Variants in INO80D observed in about 807,000 individuals in gnomAD.
INO80D encodes INO80 complex subunit D.
A neutral mutation model predicts 87.6 loss-of-function variants in INO80D; 21 were observed. The ratio of observed to expected loss-of-function variants is 0.24; its 90% CI spans 0.17 to 0.35. The LOEUF is 0.35. Ranked by LOEUF, INO80D falls within the 10% of genes least tolerant of loss-of-function variation. The probability of loss-of-function intolerance (pLI) is 1.00; values close to 1 mark genes in which losing one functional copy is unlikely to be tolerated. For missense variants in INO80D, 982 were observed against 1,280.7 expected, an observed-to-expected ratio of 0.77 and a Z score of 3.56; for synonymous variants, 440 against 491.0, an observed-to-expected ratio of 0.90 and a Z score of 1.37.
At chr2:206,034,150 G>A (rs1688836676) in intron 5 of INO80D, among the ~76,000 whole-genome samples, 1 of 152,078 alleles carries the variant, frequency 6.6e-6, no homozygotes, top group African/African-American at 2.4e-5. Flanking sequence ...CTTATTCACA[G>A]CAGAATTCTA....
intron 4 of INO80D, among the ~76,000 whole-genome samples, chr2:206,050,314 A>C (rs1354303857): frequency 3.3e-5 from 5 of 151,192 alleles, no homozygotes; most frequent in African/African-American, 1.2e-4. Flanking sequence ...AATATACTGA[A>C]ACCCCGTCTC....
At chr2:206,069,632 G>A (rs1364775327) in intron 1 of INO80D, among the ~76,000 whole-genome samples, 1 of 152,116 alleles carries the variant, frequency 6.6e-6, no homozygotes, top group East Asian at 1.9e-4. Flanking sequence ...AGGGTCAACT[G>A]TAGTCTGTTT....
chr2:205,997,597 C>T lies in INO80D; in HGVS notation c.*6771G>A, dbSNP rs1687831202. ...GTCCCATCACCACAATAGATAAACACAGCTCATGTCTGGGGCTGTCTGTCT... is the reference window on the plus strand; with the variant it reads ...GTCCCATCACCACAATAGATAAACATAGCTCATGTCTGGGGCTGTCTGTCT... On this transcript the variant is annotated 3_prime_UTR_variant, in exon 11 of 11. Transcript: ENST00000403263. The T allele has an allele frequency of 6.6e-6, 1 of 152,136 alleles. No homozygotes were observed. Among genetic ancestry groups the T allele is most frequent in the South Asian group, 2.1e-4 (1 of 4,828 alleles). 9.4% of individuals were successfully genotyped at this position (152,136 alleles called of 1,614,324 possible). A position where few individuals can be genotyped will look rare whatever the true frequency, so the allele number is the denominator to read the frequency against.
chr2:206,061,797 T>C (rs1246263971), intron 3 of INO80D, among the ~76,000 whole-genome samples: 1 of 152,222 alleles, frequency 6.6e-6, no homozygotes, highest in Non-Finnish European at 1.5e-5. Flanking sequence ...TTCCAACCAA[T>C]TTATGCAAGT....
At chr2:206,016,373 C>T (rs1093549) in intron 8 of INO80D, among the ~76,000 whole-genome samples, 50,574 of 151,984 alleles carry the variant, frequency 0.33, 8,985 homozygotes, top group South Asian at 0.58. Flanking sequence ...GCTGTATTTA[C>T]CCAATGGCTG....
chr2:206,050,429 T>C (rs535590095), intron 4 of INO80D, among the ~76,000 whole-genome samples: 4 of 141,166 alleles, frequency 2.8e-5, no homozygotes, highest in African/African-American at 8.0e-5. Flanking sequence ...GAGGCGGAGG[T>C]TGCAGTGAGC....
At chr2:206,040,436 G>T in intron 5 of INO80D, 1 of 199,914 alleles carries the variant, frequency 5.0e-6, no homozygotes. Flanking sequence ...GTCAAAATGG[G>T]CAAGTGCATG....
chr2:206,005,361 A>G lies in INO80D; in HGVS notation c.2091T>C (p.Thr697=), dbSNP rs978168300. ...DRGIGVFSTG[T]GASGIQSLSR... The stretch of plus-strand genomic sequence containing the variant: ...TCAAGGATTGTATTCCTGAAGCTCC[A>G]GTACCTGTGGAGAACACCCCTATTC... Residue 697 remains threonine, a synonymous_variant, in exon 11 of 11, where the codon ACT becomes ACC. Coordinates refer to ENST00000403263, the MANE Select transcript of INO80D (RefSeq NM_017759.5). 2 of 1,613,920 alleles carry G rather than the reference A, an allele frequency of 1.2e-6. No individual in the cohort carries two copies. Among genetic ancestry groups the G allele is most frequent in the African/African-American group, 2.7e-5 (2 of 74,916 alleles).
intron 5 of INO80D, among the ~76,000 whole-genome samples, chr2:206,042,986 A>C (rs144014943): frequency 3.3e-5 from 5 of 152,282 alleles, no homozygotes; most frequent in Non-Finnish European, 5.9e-5. Context: ...CAAACAAACA[A>C]ACAAATTCCT....
At chr2:206,037,362 C>T (rs145634568) in intron 5 of INO80D, among the ~76,000 whole-genome samples, 1 of 152,106 alleles carries the variant, frequency 6.6e-6, no homozygotes, top group East Asian at 1.9e-4. Context: ...TTTATTAAGA[C>T]AACCAAACAG....
chr2:206,009,445 A>T (rs535029044), intron 9 of INO80D, 132 bp downstream of exon 9: 27 of 721,228 alleles, frequency 3.7e-5, no homozygotes, highest in South Asian at 1.3e-4. Flanking sequence ...AAAACTATTT[A>T]AAAAATCTAG....
intron 3 of INO80D, among the ~76,000 whole-genome samples, chr2:206,059,962 G>A (rs1689642274): frequency 6.6e-6 from 1 of 152,172 alleles, no homozygotes; most frequent in Admixed American, 6.5e-5. Flanking sequence ...CCAACACTTT[G>A]GGAGGCCAAG....
At chr2:206,015,219 T>C (rs1688285578) in intron 8 of INO80D, among the ~76,000 whole-genome samples, 1 of 152,160 alleles carries the variant, frequency 6.6e-6, no homozygotes, top group Non-Finnish European at 1.5e-5. Context: ...AGAAATTCAA[T>C]CCAGCTGCAG....
At chr2:206,036,576 T>C (rs889647505) in intron 5 of INO80D, among the ~76,000 whole-genome samples, 1 of 152,146 alleles carries the variant, frequency 6.6e-6, no homozygotes, top group Admixed American at 6.6e-5. Context: ...CTTTGGGGAC[T>C]TGGGGGGAAG....
At chr2:206,031,320 G>A (rs1216864097) in intron 5 of INO80D, among the ~76,000 whole-genome samples, 4 of 151,742 alleles carry the variant, frequency 2.6e-5, no homozygotes, top group Non-Finnish European at 4.4e-5. Context: ...TCACTTTGGT[G>A]ACTCAATATG....
Position 206,017,764 on chromosome 2 carries a change from C to T in INO80D, c.1458G>A (p.Lys486=). The change falls in exon 8 of 11, where the codon AAG becomes AAA. Residue 486 remains lysine, a synonymous_variant. Transcript: ENST00000403263. Reference sequence around the variant, plus strand: ...CAGAGCACTGCTGTCCATCTGCAAACTTGGCTGTGCAACTTGAGAAGAGCT... The same window carrying T: ...CAGAGCACTGCTGTCCATCTGCAAATTTGGCTGTGCAACTTGAGAAGAGCT... ...SQQLFSSCTA[K]FADGQQCSVP... is the part of the protein sequence containing the mutation. 1 of 1,613,706 alleles carries T rather than the reference C, an allele frequency of 6.2e-7. No individual in the cohort carries two copies. Among genetic ancestry groups the T allele is most frequent in the Non-Finnish European group, 8.5e-7 (1 of 1,179,794 alleles).
At chr2:206,015,078 G>C (rs1300474923) in intron 8 of INO80D, among the ~76,000 whole-genome samples, 1 of 152,170 alleles carries the variant, frequency 6.6e-6, no homozygotes, top group African/African-American at 2.4e-5. Flanking sequence ...AAATTTCTAA[G>C]CAGCAAAGCA....
rs1266317095 is a variant in INO80D, at chr2:206,056,952, T to G, written c.219-9A>C. ...AGTGGCTGTTGCAGTACCTTTAAAA[T>G]ACACACATACATGGGAAAACAGTCA... On this transcript the variant is annotated splice_polypyrimidine_tract_variant and intron_variant, in intron 3 of 10. Coordinates refer to ENST00000403263, the MANE Select transcript of INO80D (RefSeq NM_017759.5). 1 of 1,566,314 alleles carries G rather than the reference T, an allele frequency of 6.4e-7. No homozygotes were observed. Among genetic ancestry groups the G allele is most frequent in the South Asian group, 1.2e-5 (1 of 84,694 alleles).
chr2:206,022,609 G>A (rs187336234), intron 6 of INO80D, among the ~76,000 whole-genome samples: 46 of 152,050 alleles, frequency 3.0e-4, no homozygotes, highest in African/African-American at 1.0e-3. Flanking sequence ...CTTAATTTGG[G>A]TTCACATATT....
Sources: allele counts gnomAD v4.1 joint callset (sites outside exome capture counted in the v4.1 genomes callset), GRCh38; gene constraint gnomAD v4.1.1; transcripts MANE v1.5; gene names NCBI Gene and HGNC (gene_info 2026-07-23, HGNC 2026-07-21).